Variants in TRERF1 observed in about 807,000 individuals in gnomAD.
The protein encoded by TRERF1 is transcriptional regulating factor 1, also known as transcriptional-regulating factor 1.
In TRERF1, 27 loss-of-function variants were observed where a neutral mutation model predicts 122.9. The ratio of observed to expected loss-of-function variants is 0.22; its 90% CI spans 0.16 to 0.30. The LOEUF (loss-of-function observed/expected upper bound fraction) is 0.30. TRERF1 is among the 10% of genes least tolerant of loss of function. The pLI, the probability that TRERF1 is intolerant of heterozygous loss-of-function variation, is 1.00. For synonymous variants in TRERF1, 636 were observed against 641.7 expected, an observed-to-expected ratio of 0.99 and a Z score of 0.13; for missense variants, 1,248 against 1,560.3, an observed-to-expected ratio of 0.80 and a Z score of 3.37.
chr6:42,269,348 C>T lies in TRERF1; in HGVS notation c.243G>A (p.Arg81=). 6.2e-7 allele frequency: 1 copy of T among 1,614,152 alleles called. No individual in the cohort carries two copies. The highest frequency in any genetic ancestry group is 8.5e-7 in the Non-Finnish European group (1 of 1,180,032). ...CTGCATGACTTCCCCACCCTCCCTG[C>T]CTCGAGGTATCCATTTGGCCAAGGT... The change falls in exon 5 of 18, where the codon AGG becomes AGA. Residue 81 remains arginine, a synonymous_variant. Coordinates refer to ENST00000372922, the Ensembl canonical transcript of TRERF1. The surrounding 1 kb of genome is among the most constrained non-coding windows in gnomAD (Gnocchi z 4.9).
chr6:42,297,587 C>A (rs535515184), intron 4 of TRERF1, among the ~76,000 whole-genome samples: 1 of 152,166 alleles, frequency 6.6e-6, no homozygotes, highest in Non-Finnish European at 1.5e-5. Context: ...AAGGGCTGAG[C>A]AGAATGGGGG....
At chr6:42,267,558 G>A (rs1779430487) in intron 5 of TRERF1, among the ~76,000 whole-genome samples, 1 of 152,258 alleles carries the variant, frequency 6.6e-6, no homozygotes, top group South Asian at 2.1e-4. Flanking sequence ...GAACCCAGGA[G>A]GTGGGGGAGG....
intron 8 of TRERF1, among the ~76,000 whole-genome samples, chr6:42,261,298 G>A (rs1362358741): frequency 2.6e-5 from 4 of 152,166 alleles, no homozygotes; most frequent in Non-Finnish European, 5.9e-5. Context: ...TCTGATCACA[G>A]GGCCAGAGGT....
At chr6:42,371,071 T>A (rs1312300560) in intron 2 of TRERF1, among the ~76,000 whole-genome samples, 1 of 152,156 alleles carries the variant, frequency 6.6e-6, no homozygotes, top group Non-Finnish European at 1.5e-5. Flanking sequence ...GGTGGGATTC[T>A]CCACAGTCCC....
At chr6:42,292,909 A>G (rs1034478770) in intron 4 of TRERF1, among the ~76,000 whole-genome samples, 23 of 152,240 alleles carry the variant, frequency 1.5e-4, no homozygotes, top group African/African-American at 5.5e-4. Context: ...TTCTGTTTCA[A>G]GAGGGTACCC....
At chr6:42,364,376 A>G (rs1055089991) in intron 2 of TRERF1, among the ~76,000 whole-genome samples, 4 of 151,826 alleles carry the variant, frequency 2.6e-5, no homozygotes, top group Non-Finnish European at 4.4e-5. Flanking sequence ...AACCCTTATT[A>G]CCACCTGACA....
At chr6:42,249,857 G>A (rs1463308299) in intron 13 of TRERF1, among the ~76,000 whole-genome samples, 3 of 152,070 alleles carry the variant, frequency 2.0e-5, no homozygotes, top group South Asian at 2.1e-4. Context: ...AGCCTTGGCC[G>A]GGCAACAAAT....
Position 42,239,893 on chromosome 6 carries a change from C to T in TRERF1, c.2859+3355G>A, listed in dbSNP as rs533757091. The stretch of plus-strand genomic sequence containing the variant: ...TTTTTGTGGGCCTGAGTCATCTCTG[C>T]ACATAAGCCTTTTGCTCTCCCTAAG... On this transcript the variant is annotated intron_variant, in intron 15 of 17. Transcript: ENST00000372922. 6.6e-5 allele frequency among the ~76,000 whole-genome samples: 10 copies of T among 152,112 alleles called. No homozygotes were observed. In the South Asian group the frequency reaches 1.9e-3, roughly 28 times the overall value.
intron 2 of TRERF1, among the ~76,000 whole-genome samples, chr6:42,364,484 A>G (rs149426930): frequency 1.2e-3 from 184 of 152,350 alleles, no homozygotes; most frequent in African/African-American, 4.1e-3. Flanking sequence ...AGCCTGGCAC[A>G]TAGTAGGTGC....
Position 42,265,664 on chromosome 6 carries a change from A to T in TRERF1, c.1484+87T>A, listed in dbSNP as rs549216934. Reference sequence around the variant, plus strand: ...TTTCTACACACTTCTTTGAGGAATGACTTGGAATTTAAAAATGAATCATGA... The same window carrying T: ...TTTCTACACACTTCTTTGAGGAATGTCTTGGAATTTAAAAATGAATCATGA... On this transcript the variant is annotated intron_variant, in intron 6 of 17. Coordinates refer to ENST00000372922, the Ensembl canonical transcript of TRERF1. The T allele has an allele frequency of 1.1e-5, 15 of 1,359,508 alleles. No individual in the cohort carries two copies. In the African/African-American group the frequency reaches 2.2e-4, roughly 20 times the overall value. 84.2% of individuals were successfully genotyped at this position (1,359,508 alleles called of 1,614,324 possible). A position where few individuals can be genotyped will look rare whatever the true frequency, so the allele number is the denominator to read the frequency against.
intron 2 of TRERF1, among the ~76,000 whole-genome samples, chr6:42,409,461 T>G (rs1186699965): frequency 6.6e-6 from 1 of 152,158 alleles, no homozygotes; most frequent in Non-Finnish European, 1.5e-5. Flanking sequence ...TGTCCACCAA[T>G]TTTTCCTGAT....
intron 2 of TRERF1, among the ~76,000 whole-genome samples, chr6:42,432,417 A>AT (rs1307827171): frequency 6.6e-6 from 1 of 152,234 alleles, no homozygotes; most frequent in African/African-American, 2.4e-5. Flanking sequence ...TTCAGCAAAA[A>AT]TATACAAAGA....
intron 8 of TRERF1, among the ~76,000 whole-genome samples, chr6:42,261,106 A>T (rs950504364): frequency 6.8e-6 from 1 of 147,094 alleles, no homozygotes; most frequent in African/African-American, 2.5e-5. Flanking sequence ...TTTCTCCACC[A>T]GAGGGCTCCT....
chr6:42,367,874 C>T (rs961348411), intron 2 of TRERF1, among the ~76,000 whole-genome samples: 2 of 152,064 alleles, frequency 1.3e-5, no homozygotes, highest in Non-Finnish European at 2.9e-5. Context: ...CTCCCATCCC[C>T]GATCTGATCT....
At chr6:42,371,885 CAAAATCTCAACTAAGGCT>C (rs912909343) in intron 2 of TRERF1, among the ~76,000 whole-genome samples, 12 of 152,112 alleles carry the variant, frequency 7.9e-5, no homozygotes, top group Admixed American at 2.0e-4. Context: ...TTCCCTCCCT[CAAAATCTCAACTAAGGCT>C]GGGCGCAGTG....
At position 42,268,875 on chromosome 6, in the gene TRERF1, G is replaced by A; in HGVS notation, c.716C>T (p.Pro239Leu). Reference sequence around the variant, plus strand: ...TCCCTGCACTGGCACCTGAGCCAGAGGCTGCTGGTAGTCATAATACAGGTG... The same window carrying A: ...TCCCTGCACTGGCACCTGAGCCAGAAGCTGCTGGTAGTCATAATACAGGTG... The change falls in exon 5 of 18, where the codon CCT becomes CTT. Residue 239 changes from proline to leucine, a missense_variant. By Grantham distance (98) the Pro-to-Leu change is moderately conservative (BLOSUM62 -3). Coordinates refer to ENST00000372922, the Ensembl canonical transcript of TRERF1. The surrounding 1 kb of genome is among the most constrained non-coding windows in gnomAD (Gnocchi z 4.4). 6.2e-7 allele frequency: 1 copy of A among 1,614,146 alleles called. No individual in the cohort carries two copies. The highest frequency in any genetic ancestry group is 1.3e-5 in the African/African-American group (1 of 75,054).
At chr6:42,349,263 TC>T (rs753666101) in intron 3 of TRERF1, among the ~76,000 whole-genome samples, 1 of 151,524 alleles carries the variant, frequency 6.6e-6, no homozygotes, top group Non-Finnish European at 1.5e-5. Flanking sequence ...GGGTGGCCCA[TC>T]AAGGAAGCTG....
chr6:42,288,837 A>G (rs1270879583), intron 4 of TRERF1, among the ~76,000 whole-genome samples: 1 of 152,094 alleles, frequency 6.6e-6, no homozygotes, highest in African/African-American at 2.4e-5. Context: ...AAAGGAACAC[A>G]GTGATGAAAC....
At chr6:42,414,658 T>C (rs762928020) in intron 2 of TRERF1, among the ~76,000 whole-genome samples, 1 of 152,248 alleles carries the variant, frequency 6.6e-6, no homozygotes, top group Admixed American at 6.5e-5. Context: ...CATTTGTGAA[T>C]ACACAAAACT....
Sources: gnomAD v4.1 joint callset for allele counts (sites outside exome capture counted in the v4.1 genomes callset) on GRCh38, gnomAD v4.1.1 for gene constraint, Gnocchi (gnomAD v3.1) non-coding constraint, MANE v1.5 for transcripts, NCBI Gene and HGNC (gene_info 2026-07-23, HGNC 2026-07-21) for gene names.